Variants in CA10 observed in about 807,000 individuals in gnomAD.
CA10 encodes carbonic anhydrase 10 (inactive).
A neutral mutation model predicts 44.2 loss-of-function variants in CA10; 14 were observed. The observed-to-expected ratio is 0.32, with a 90% CI of 0.21 to 0.50. CA10 has a LOEUF of 0.50. CA10 is among the 20% of genes least tolerant of loss of function. The probability of loss-of-function intolerance (pLI) is 0.99; values close to 1 mark genes in which losing one functional copy is unlikely to be tolerated. For missense variants in CA10, 350 were observed against 409.7 expected (o/e 0.85, Z 1.26); for synonymous variants, 159 against 141.6 (o/e 1.12, Z -0.87).
intron 3 of CA10, among the ~76,000 whole-genome samples, chr17:51,795,761 T>G (rs1411015328): frequency 2.0e-5 from 3 of 152,230 alleles, no homozygotes; most frequent in Non-Finnish European, 2.9e-5. Context: ...CAAGGTGACC[T>G]CTGCATGGCC....
chr17:51,745,649 G>A (rs184342638), intron 4 of CA10, among the ~76,000 whole-genome samples: 5 of 152,280 alleles, frequency 3.3e-5, no homozygotes, highest in East Asian at 1.9e-4. Context: ...TGTGGTTCAC[G>A]TATAAGTTAC....
rs200041380 is a variant in CA10, at chr17:51,747,660, G to A, written c.438C>T (p.Leu146=). The A allele has an allele frequency of 8.1e-6, 13 of 1,613,724 alleles. No individual in the cohort carries two copies. Among genetic ancestry groups the A allele is most frequent in the Non-Finnish European group, 1.0e-5 (12 of 1,179,834 alleles). ...GSEDSQGSEH[L]LNGQAFSGEV... ...CCCCAGAGAAGGCCTGTCCATTGAG[G>A]AGGTGCTCCGACCCTTGGCTGTCCT... The change falls in exon 4 of 9, where the codon CTC becomes CTT. Residue 146 remains leucine, a synonymous_variant. Transcript: ENST00000451037.
chr17:51,973,303 A>C (rs1463061460), intron 2 of CA10, among the ~76,000 whole-genome samples: 2 of 152,174 alleles, frequency 1.3e-5, no homozygotes, highest in East Asian at 3.9e-4. Context: ...TGCAAGGAGG[A>C]GCATTCTCAG....
intron 3 of CA10, among the ~76,000 whole-genome samples, chr17:51,790,895 T>G (rs1286382550): frequency 6.6e-6 from 1 of 152,238 alleles, no homozygotes; most frequent in Non-Finnish European, 1.5e-5. Flanking sequence ...TTTGGGGGCA[T>G]GGAAACTTAT....
At chr17:51,868,973 A>G (rs971120529) in intron 3 of CA10, among the ~76,000 whole-genome samples, 5 of 152,016 alleles carry the variant, frequency 3.3e-5, no homozygotes, top group African/African-American at 9.7e-5. Context: ...ATAATGTCTA[A>G]TTTAAGTTAA....
chr17:52,106,218 T>G (rs2143267289), intron 1 of CA10, among the ~76,000 whole-genome samples: 1 of 152,330 alleles, frequency 6.6e-6, no homozygotes, highest in Middle Eastern at 3.4e-3. Flanking sequence ...ATTTTGCCTG[T>G]GACTCAAGAT....
At chr17:52,120,413 ACCTTAT>A (rs76764541) in intron 1 of CA10, among the ~76,000 whole-genome samples, 25,096 of 144,774 alleles carry the variant, frequency 0.17, 2,273 homozygotes, top group African/African-American at 0.19. Flanking sequence ...TTCATCCTTA[ACCTTAT>A]CCTTATCCTT....
At chr17:52,145,899 T>A (rs1024565758) in intron 1 of CA10, among the ~76,000 whole-genome samples, 3 of 152,252 alleles carry the variant, frequency 2.0e-5, no homozygotes, top group East Asian at 1.9e-4. Context: ...AGATTATTTT[T>A]AAAAAAAATT....
chr17:52,094,970 A>G (rs1988367042), intron 1 of CA10, among the ~76,000 whole-genome samples: 1 of 152,198 alleles, frequency 6.6e-6, no homozygotes, highest in Non-Finnish European at 1.5e-5. Flanking sequence ...ACTCCTAGGT[A>G]TAGATGCAAA....
At chr17:51,856,915 A>G (rs949940003) in intron 3 of CA10, among the ~76,000 whole-genome samples, 1 of 152,336 alleles carries the variant, frequency 6.6e-6, no homozygotes, top group Admixed American at 6.5e-5. Context: ...CATAAAGTCC[A>G]TGGTTCAGGA....
intron 2 of CA10, among the ~76,000 whole-genome samples, chr17:51,980,642 T>C (rs973344487): frequency 6.6e-6 from 1 of 152,142 alleles, no homozygotes; most frequent in Admixed American, 6.6e-5. Flanking sequence ...AGGGTTTTTA[T>C]AGTTTTAGAT....
At chr17:51,928,872 T>A (rs1982535882) in intron 3 of CA10, among the ~76,000 whole-genome samples, 1 of 152,184 alleles carries the variant, frequency 6.6e-6, no homozygotes, top group African/African-American at 2.4e-5. Context: ...GGCATTTCAT[T>A]ACCAATTAGT....
chr17:52,149,807 T>C (rs1030773241), intron 1 of CA10, among the ~76,000 whole-genome samples: 1 of 152,058 alleles, frequency 6.6e-6, no homozygotes, highest in Non-Finnish European at 1.5e-5. Flanking sequence ...GGGACAACAG[T>C]GGAAAATGAT....
intron 2 of CA10, among the ~76,000 whole-genome samples, chr17:52,051,722 A>T (rs2143048859): frequency 6.6e-6 from 1 of 152,258 alleles, no homozygotes; most frequent in East Asian, 1.9e-4. Flanking sequence ...CAGTGTGGCA[A>T]TTCCACAAAG....
chr17:51,632,732 C>T (rs534333568), intron 8 of CA10, among the ~76,000 whole-genome samples: 24 of 152,290 alleles, frequency 1.6e-4, no homozygotes, highest in African/African-American at 5.5e-4. Flanking sequence ...CCAGGGCTCT[C>T]CAAGACCCCA....
chr17:51,992,542 G>T (rs942298325), intron 2 of CA10, among the ~76,000 whole-genome samples: 3 of 152,160 alleles, frequency 2.0e-5, no homozygotes, highest in East Asian at 1.9e-4. Context: ...CTGATTTCAG[G>T]CATAATCTTA....
intron 4 of CA10, among the ~76,000 whole-genome samples, chr17:51,657,440 AC>A (rs1201202124): frequency 6.6e-6 from 1 of 152,048 alleles, no homozygotes; most frequent in South Asian, 2.1e-4. Context: ...CTAACCCAAT[AC>A]CCACTAACCA....
intron 4 of CA10, among the ~76,000 whole-genome samples, chr17:51,730,552 T>C (rs1314434457): frequency 1.3e-5 from 2 of 152,180 alleles, no homozygotes; most frequent in East Asian, 3.8e-4. Flanking sequence ...AAGTAGTGGT[T>C]TTGTAAATTA....
intron 4 of CA10, among the ~76,000 whole-genome samples, chr17:51,669,336 G>A (rs565293193): frequency 6.6e-6 from 1 of 152,260 alleles, no homozygotes; most frequent in East Asian, 1.9e-4. Flanking sequence ...ATCTAGTGGG[G>A]ACTTGGAGAA....
Sources: gnomAD v4.1 joint callset for allele counts (sites outside exome capture counted in the v4.1 genomes callset) on GRCh38, gnomAD v4.1.1 for gene constraint, MANE v1.5 for transcripts, NCBI Gene and HGNC (gene_info 2026-07-23, HGNC 2026-07-21) for gene names.